ADCY2: variants seen among roughly 807,000 people sequenced by gnomAD.
ADCY2 encodes adenylate cyclase 2.
Under a neutral mutation model 125.2 loss-of-function variants are expected in ADCY2, and 31 were observed. The observed-to-expected ratio is 0.25, with a 90% confidence interval of 0.19 to 0.33. The LOEUF (loss-of-function observed/expected upper bound fraction) is 0.33, where lower values mean the gene tolerates loss of function less well. Among genes scored for constraint, ADCY2 ranks in the 10% least tolerant of loss-of-function variants. The probability of loss-of-function intolerance (pLI) is 1.00; values close to 1 mark genes in which losing one functional copy is unlikely to be tolerated. For missense variants in ADCY2, 904 were observed against 1,418.2 expected (o/e 0.64, Z 5.82); for synonymous variants, 512 against 548.4 (o/e 0.93, Z 0.93).
chr5:7,636,033 T>C (rs769154994), intron 4 of ADCY2, among the ~76,000 whole-genome samples: 3 of 152,234 alleles, frequency 2.0e-5, no homozygotes, highest in African/African-American at 4.8e-5. Flanking sequence ...TTGTTTATCC[T>C]GGCACATGCC....
At chr5:7,680,682 A>G (rs904302579) in intron 4 of ADCY2, among the ~76,000 whole-genome samples, 2 of 152,216 alleles carry the variant, frequency 1.3e-5, no homozygotes, top group Non-Finnish European at 2.9e-5. Flanking sequence ...AATGCATTAC[A>G]TATATAAAGT....
intron 3 of ADCY2, among the ~76,000 whole-genome samples, chr5:7,618,295 C>T (rs113081833): frequency 6.6e-6 from 1 of 152,134 alleles, no homozygotes; most frequent in Non-Finnish European, 1.5e-5. Flanking sequence ...TCATAATCAG[C>T]GGGGCACTCT....
At chr5:7,543,409 A>G (rs1561084329) in intron 3 of ADCY2, among the ~76,000 whole-genome samples, 2 of 152,140 alleles carry the variant, frequency 1.3e-5, no homozygotes, top group African/African-American at 4.8e-5. Flanking sequence ...TTTCTTTGAA[A>G]AAATAAATCT....
chr5:7,506,277 A>G (rs375539816), intron 2 of ADCY2, among the ~76,000 whole-genome samples: 2 of 152,260 alleles, frequency 1.3e-5, no homozygotes, highest in Non-Finnish European at 2.9e-5. Context: ...TCAAAAATGT[A>G]TAACTAGTTT....
In ADCY2 at chr5:7,458,639, G is replaced by T. The variant is rs145729718; in HGVS notation, c.408+43869G>T. On this transcript the variant is annotated intron_variant, in intron 2 of 24. Coordinates refer to ENST00000338316, the MANE Select transcript of ADCY2 (RefSeq NM_020546.3). ...TGTCTAACATTGTGGCTCTCTCAAA[G>T]AAGTACAAGAAAAAGTCTCTTCCCA... 2.0e-5 allele frequency among the ~76,000 whole-genome samples: 3 copies of T among 152,216 alleles called. No homozygotes were observed. In the East Asian group the frequency reaches 5.8e-4, roughly 29 times the overall value.
chr5:7,687,821 CTGAT>C (rs140482650), intron 4 of ADCY2, among the ~76,000 whole-genome samples: 2 of 152,250 alleles, frequency 1.3e-5, no homozygotes, highest in Admixed American at 6.5e-5. Flanking sequence ...GGAAAGTTGA[CTGAT>C]TGTTTTAAAT....
At chr5:7,497,689 C>T (rs1365418377) in intron 2 of ADCY2, among the ~76,000 whole-genome samples, 1 of 151,934 alleles carries the variant, frequency 6.6e-6, no homozygotes, top group Non-Finnish European at 1.5e-5. Context: ...ACCAGCAGAG[C>T]CGGATATGGA....
chr5:7,643,360 T>G (rs1738779202), intron 4 of ADCY2, among the ~76,000 whole-genome samples: 1 of 152,096 alleles, frequency 6.6e-6, no homozygotes, highest in South Asian at 2.1e-4. Context: ...CAGTAAATTC[T>G]CTATTCACTC....
At chr5:7,408,117 G>A (rs911048776) in intron 1 of ADCY2, among the ~76,000 whole-genome samples, 5 of 151,658 alleles carry the variant, frequency 3.3e-5, no homozygotes, top group African/African-American at 7.3e-5. Context: ...TGATCTGCTC[G>A]CCTCAACCTC....
chr5:7,660,214 TGGAGGGAG>T (rs370679171), intron 4 of ADCY2, among the ~76,000 whole-genome samples: 1 of 82,046 alleles, frequency 1.2e-5, no homozygotes, highest in African/African-American at 4.8e-5. Flanking sequence ...AAGAAAAGGA[TGGAGGGAG>T]GGAGGGAGGG....
chr5:7,736,922 T>G (rs1190048515), intron 14 of ADCY2, among the ~76,000 whole-genome samples: 2 of 151,954 alleles, frequency 1.3e-5, no homozygotes, highest in East Asian at 3.9e-4. Context: ...GTTCCATTTA[T>G]AAAAAAAATT....
intron 3 of ADCY2, among the ~76,000 whole-genome samples, chr5:7,564,100 T>G (rs1451405984): frequency 6.6e-6 from 1 of 152,194 alleles, no homozygotes; most frequent in Non-Finnish European, 1.5e-5. Context: ...AACATAGTCT[T>G]TGTAAATATA....
At chr5:7,704,307 C>A (rs1040908735) in intron 7 of ADCY2, among the ~76,000 whole-genome samples, 1 of 152,192 alleles carries the variant, frequency 6.6e-6, no homozygotes, top group Admixed American at 6.5e-5. Flanking sequence ...GTGTTCACAC[C>A]TCCACACTTA....
intron 3 of ADCY2, among the ~76,000 whole-genome samples, chr5:7,523,401 A>G (rs1350635890): frequency 6.6e-6 from 1 of 152,154 alleles, no homozygotes; most frequent in Non-Finnish European, 1.5e-5. Context: ...AATACATCTT[A>G]TCAGCAAACA....
intron 14 of ADCY2, among the ~76,000 whole-genome samples, chr5:7,731,854 C>T (rs187830525): frequency 1.9e-4 from 29 of 151,260 alleles, no homozygotes; most frequent in African/African-American, 6.3e-4. Context: ...CCGCCTGCCT[C>T]GGCCTCCCAA....
intron 2 of ADCY2, among the ~76,000 whole-genome samples, chr5:7,437,068 G>A (rs913406739): frequency 2.6e-5 from 4 of 152,228 alleles, no homozygotes; most frequent in African/African-American, 9.6e-5. Flanking sequence ...TGTGGGGCCC[G>A]TGCTTCCCTC....
chr5:7,782,195 C>T, intron 18 of ADCY2: 2 of 167,272 alleles, frequency 1.2e-5, no homozygotes. Context: ...AGAGCCTCTG[C>T]TGGTCTAGCT....
intron 2 of ADCY2, among the ~76,000 whole-genome samples, chr5:7,501,946 C>T (rs2126505299): frequency 6.6e-6 from 1 of 152,224 alleles, no homozygotes; most frequent in East Asian, 1.9e-4. Context: ...CAGAGAGTCT[C>T]TTTCCTAAGC....
chr5:7,676,680 T>A (rs1740137321), intron 4 of ADCY2, among the ~76,000 whole-genome samples: 1 of 152,190 alleles, frequency 6.6e-6, no homozygotes, highest in Non-Finnish European at 1.5e-5. Flanking sequence ...AATGTTAATT[T>A]GAGGTAGAAG....
Sources: allele counts gnomAD v4.1 joint callset (sites outside exome capture counted in the v4.1 genomes callset), GRCh38; gene constraint gnomAD v4.1.1; transcripts MANE v1.5; gene names NCBI Gene and HGNC (gene_info 2026-07-23, HGNC 2026-07-21).